Variants in NAV2 observed in about 807,000 individuals in gnomAD.
NAV2 encodes the protein helicase, APC down-regulated 1.
Under a neutral mutation model 223.2 loss-of-function variants are expected in NAV2, and 54 were observed. The ratio of observed to expected loss-of-function variants is 0.24; its 90% CI spans 0.19 to 0.30. NAV2 has a LOEUF of 0.30. Among genes scored for constraint, NAV2 ranks in the 10% least tolerant of loss-of-function variants. The probability of loss-of-function intolerance (pLI) is 1.00; values close to 1 mark genes in which losing one functional copy is unlikely to be tolerated. For synonymous variants in NAV2, 1,279 were observed against 1,239.3 expected (o/e 1.03, Z -0.67); for missense variants, 2,806 against 3,147.5 (o/e 0.89, Z 2.60).
At position 19,534,814 on chromosome 11, in the gene NAV2, T is replaced by G. The variant is rs548372922; in HGVS notation, c.75+183787T>G. Among the ~76,000 whole-genome samples, 5 of 152,246 alleles carry G rather than the reference T, an allele frequency of 3.3e-5. No homozygotes were observed. In the South Asian group the frequency reaches 1.0e-3, roughly 32 times the overall value. On this transcript the variant is annotated intron_variant, in intron 1 of 37. Coordinates refer to the NAV2 transcript ENST00000360655. ...ATAGCAAACAGGACCCAAGAGGCAA[T>G]GTAGACTAGTAGTTAAGATGTAAGC... is the stretch of plus-strand genomic sequence containing the variant.
intron 1 of NAV2, among the ~76,000 whole-genome samples, chr11:19,533,487 T>A (rs1220695113): frequency 6.6e-6 from 1 of 152,152 alleles, no homozygotes; most frequent in Non-Finnish European, 1.5e-5. Context: ...TGTCCACACA[T>A]GTCCTGGGCA....
chr11:19,883,474 T>C (rs968029551), intron 5 of NAV2, among the ~76,000 whole-genome samples: 7 of 152,164 alleles, frequency 4.6e-5, no homozygotes, highest in African/African-American at 1.4e-4. Flanking sequence ...TTGCTTTTTT[T>C]CCTCCATCTG....
intron 1 of NAV2, among the ~76,000 whole-genome samples, chr11:19,826,287 C>A (rs946463745): frequency 6.6e-6 from 1 of 152,166 alleles, no homozygotes; most frequent in Non-Finnish European, 1.5e-5. Context: ...CAGCAGCCCT[C>A]AATTTTCCAT....
chr11:19,518,781 G>C (rs1332082169), intron 1 of NAV2, among the ~76,000 whole-genome samples: 1 of 152,126 alleles, frequency 6.6e-6, no homozygotes, highest in Non-Finnish European at 1.5e-5. Flanking sequence ...CCCTGGACGG[G>C]GTGTTTGCGC....
chr11:19,359,472 C>T (rs1590046751), intron 1 of NAV2, among the ~76,000 whole-genome samples: 1 of 152,058 alleles, frequency 6.6e-6, no homozygotes, highest in Non-Finnish European at 1.5e-5. Flanking sequence ...CTCAGATGTA[C>T]CCAAAAGGGG....
chr11:20,106,177 GTGTGTGTATATATATATATA>G lies in NAV2; in HGVS notation c.6841+452_6841+471del, dbSNP rs2062043341. Among the ~76,000 whole-genome samples, 17 of 13,818 alleles carry G rather than the reference GTGTGTGTATATATATATATA, an allele frequency of 1.2e-3. 1 individual carries two copies. The highest frequency in any genetic ancestry group is 2.4e-3 in the East Asian group (2 of 840). The allele number at this position is 13,818 out of a possible 152,430, so 9.1% of individuals were successfully genotyped here. A position where few individuals can be genotyped will look rare whatever the true frequency, so the allele number is the denominator to read the frequency against. On this transcript the variant is annotated intron_variant, in intron 35 of 37. Coordinates refer to ENST00000349880, the MANE Select transcript of NAV2 (RefSeq NM_145117.5). ...TGTGTATATATATATATATATATAT[GTGTGTGTATATATATATATA>G]TATATATATATATATATATATATAT...
At chr11:20,103,612 G>T in intron 33 of NAV2, 41 bp from the exon 34 acceptor site, 1 of 1,605,010 alleles carries the variant, frequency 6.2e-7, no homozygotes, top group South Asian at 1.1e-5. Context: ...CTCTAGCTTG[G>T]CTTGGAATCA....
At chr11:20,087,028 C>CAGAGGGAA (rs1565031407) in intron 26 of NAV2, among the ~76,000 whole-genome samples, 1 of 152,106 alleles carries the variant, frequency 6.6e-6, no homozygotes, top group African/African-American at 2.4e-5. Context: ...CGAAGATGAT[C>CAGAGGGAA]AGAGGGCAAG....
At chr11:19,941,693 T>C (rs1338958917) in intron 8 of NAV2, among the ~76,000 whole-genome samples, 1 of 152,094 alleles carries the variant, frequency 6.6e-6, no homozygotes, top group Non-Finnish European at 1.5e-5. Flanking sequence ...ATCATACTGC[T>C]CATGAATTCC....
intron 26 of NAV2, among the ~76,000 whole-genome samples, chr11:20,086,293 C>T (rs1039915461): frequency 6.6e-6 from 1 of 152,170 alleles, no homozygotes; most frequent in Non-Finnish European, 1.5e-5. Context: ...CACTCTGGCC[C>T]ACTTGTTCTT....
chr11:19,749,468 T>G (rs545146978), intron 1 of NAV2, among the ~76,000 whole-genome samples: 24 of 152,326 alleles, frequency 1.6e-4, no homozygotes, highest in Non-Finnish European at 2.8e-4. Context: ...AGCCAGTAAT[T>G]AAGCTCACCT....
chr11:20,106,421 G>C (rs1336465720), intron 35 of NAV2, among the ~76,000 whole-genome samples: 1 of 146,242 alleles, frequency 6.8e-6, no homozygotes, highest in Non-Finnish European at 1.5e-5. Flanking sequence ...TTAGCTGGGT[G>C]TGGTGGCATG....
intron 30 of NAV2, among the ~76,000 whole-genome samples, chr11:20,096,102 T>G (rs1300880610): frequency 1.3e-5 from 2 of 152,236 alleles, no homozygotes; most frequent in Non-Finnish European, 2.9e-5. Context: ...GGACATATGC[T>G]TCGGAGTATG....
chr11:19,595,866 C>T (rs1248831399), intron 1 of NAV2, among the ~76,000 whole-genome samples: 1 of 152,170 alleles, frequency 6.6e-6, no homozygotes, highest in African/African-American at 2.4e-5. Context: ...CTGGCCAGAG[C>T]CTGCATTCTT....
rs188960131 is a variant in NAV2, at chr11:20,099,218, T to C, written c.6181+1473T>C. ...TGAACCACCAGGAATGAGCTCCCCATGGGAAAGAAGAGTTCTACCATGAGG... is the reference window on the plus strand; with the variant it reads ...TGAACCACCAGGAATGAGCTCCCCACGGGAAAGAAGAGTTCTACCATGAGG... On this transcript the variant is annotated intron_variant, in intron 31 of 37. Coordinates refer to ENST00000349880, the MANE Select transcript of NAV2 (RefSeq NM_145117.5). Among the ~76,000 whole-genome samples the C allele has an allele frequency of 2.2e-4, 33 of 152,232 alleles. No individual in the cohort carries two copies. In the East Asian group the frequency reaches 6.4e-3, roughly 29 times the overall value.
At chr11:19,387,501 G>T (rs1184400269) in intron 1 of NAV2, among the ~76,000 whole-genome samples, 1 of 152,128 alleles carries the variant, frequency 6.6e-6, no homozygotes, top group Non-Finnish European at 1.5e-5. Context: ...TCCTCCAGGG[G>T]ACATTTTCTT....
At chr11:19,596,928 A>T (rs1450537773) in intron 1 of NAV2, among the ~76,000 whole-genome samples, 2 of 152,186 alleles carry the variant, frequency 1.3e-5, no homozygotes, top group East Asian at 3.9e-4. Context: ...GCAGAAACGG[A>T]GGCACAGAAT....
chr11:19,821,209 C>G (rs1011721226), intron 1 of NAV2, among the ~76,000 whole-genome samples: 3 of 148,222 alleles, frequency 2.0e-5, no homozygotes, highest in African/African-American at 7.5e-5. Context: ...TTGCAGTGAG[C>G]CGAGATTGCG....
intron 1 of NAV2, among the ~76,000 whole-genome samples, chr11:19,680,150 C>A (rs995804713): frequency 3.3e-5 from 5 of 152,176 alleles, no homozygotes; most frequent in Non-Finnish European, 5.9e-5. Context: ...GGATGTTATT[C>A]CAGCACCCAG....
Sources: allele counts gnomAD v4.1 joint callset (sites outside exome capture counted in the v4.1 genomes callset), GRCh38; gene constraint gnomAD v4.1.1; transcripts MANE v1.5; gene names NCBI Gene and HGNC (gene_info 2026-07-23, HGNC 2026-07-21).